The following ASIC2 variants were observed in gnomAD, a reference collection of about 807,000 sequenced individuals.
The protein encoded by ASIC2 is acid-sensing ion channel 2.
Under a neutral mutation model 57.3 loss-of-function variants are expected in ASIC2, and 25 were observed. The ratio of observed to expected loss-of-function variants is 0.44; its 90% confidence interval spans 0.32 to 0.61. ASIC2 has a LOEUF of 0.61. Among genes scored for constraint, ASIC2 ranks in the 20% least tolerant of loss-of-function variants. ASIC2 has a pLI of 0.06. For missense variants in ASIC2, 641 were observed against 738.1 expected, an observed-to-expected ratio of 0.87 and a Z score of 1.52; for synonymous variants, 319 against 307.5, an observed-to-expected ratio of 1.04 and a Z score of -0.39.
At chr17:33,113,197 G>A (rs1480576652) in intron 1 of ASIC2, among the ~76,000 whole-genome samples, 1 of 152,188 alleles carries the variant, frequency 6.6e-6, no homozygotes, top group Non-Finnish European at 1.5e-5. Context: ...CCACTTCTTA[G>A]TAGTGTGACT....
At chr17:33,269,302 C>T (rs1476909048) in intron 1 of ASIC2, among the ~76,000 whole-genome samples, 1 of 152,198 alleles carries the variant, frequency 6.6e-6, no homozygotes, top group African/African-American at 2.4e-5. Flanking sequence ...GACCCCCCGA[C>T]CTAGAACCCC....
chr17:33,391,000 G>A (rs892379253), intron 1 of ASIC2, among the ~76,000 whole-genome samples: 1 of 152,202 alleles, frequency 6.6e-6, no homozygotes, highest in Admixed American at 6.5e-5. Context: ...CTCCAGGATG[G>A]AGCAGCTGGC....
chr17:33,336,586 C>T (rs1164521988), intron 1 of ASIC2, among the ~76,000 whole-genome samples: 1 of 152,162 alleles, frequency 6.6e-6, no homozygotes, highest in African/African-American at 2.4e-5. Context: ...CTCACGACAG[C>T]TGTGTGGGGA....
At chr17:34,099,150 GAGAGAGAGAGAGAGAAAGAA>G (rs1567820866) in intron 1 of ASIC2, among the ~76,000 whole-genome samples, 100 of 23,204 alleles carry the variant, frequency 4.3e-3, no homozygotes, top group African/African-American at 0.012. Flanking sequence ...GAGAGACAGA[GAGAGAGAGAGAGAGAAAGAA>G]AGAAAGAAAG....
intron 1 of ASIC2, among the ~76,000 whole-genome samples, chr17:33,499,809 T>C (rs1430564343): frequency 6.6e-6 from 1 of 152,216 alleles, no homozygotes; most frequent in Non-Finnish European, 1.5e-5. Context: ...GCTGCCACCA[T>C]AAGGGCAAGC....
intron 1 of ASIC2, among the ~76,000 whole-genome samples, chr17:33,562,082 G>T (rs1916090145): frequency 6.6e-6 from 1 of 152,168 alleles, no homozygotes. Context: ...GGCAGTTGTT[G>T]TTCTCAGGAC....
intron 1 of ASIC2, among the ~76,000 whole-genome samples, chr17:33,730,051 G>A (rs1212335084): frequency 1.3e-5 from 2 of 152,086 alleles, no homozygotes; most frequent in Non-Finnish European, 2.9e-5. Context: ...AGGGACATTC[G>A]GTGCTTTCGG....
chr17:33,496,608 T>G (rs1264051090), intron 1 of ASIC2, among the ~76,000 whole-genome samples: 1 of 74,720 alleles, frequency 1.3e-5, no homozygotes, highest in Non-Finnish European at 2.9e-5. Context: ...TGTAGGTTTT[T>G]TTTTTTTTTT....
intron 1 of ASIC2, among the ~76,000 whole-genome samples, chr17:34,060,400 C>G (rs1908928497): frequency 6.6e-6 from 1 of 152,162 alleles, no homozygotes; most frequent in African/African-American, 2.4e-5. Flanking sequence ...GAGAGGGAAT[C>G]AGAAAATCAA....
At chr17:33,444,103 T>G (rs1427715483) in intron 1 of ASIC2, among the ~76,000 whole-genome samples, 1 of 152,168 alleles carries the variant, frequency 6.6e-6, no homozygotes, top group Non-Finnish European at 1.5e-5. Context: ...TATTCTCAAT[T>G]TGTTGTTTGC....
At chr17:33,484,424 AT>A (rs1035207358) in intron 1 of ASIC2, among the ~76,000 whole-genome samples, 4 of 152,256 alleles carry the variant, frequency 2.6e-5, no homozygotes, top group African/African-American at 9.6e-5. Flanking sequence ...CAGTATAAAT[AT>A]GACATAAACT....
intron 6 of ASIC2, among the ~76,000 whole-genome samples, chr17:33,022,060 A>C (rs1444795116): frequency 6.6e-6 from 1 of 152,202 alleles, no homozygotes; most frequent in East Asian, 1.9e-4. Flanking sequence ...AAGCTGGCCC[A>C]GGATGGGGTC....
rs538866027 is a variant in ASIC2, at chr17:33,073,997, T to A, written c.987+14866A>T. Among the ~76,000 whole-genome samples, 91 of 152,206 alleles carry A rather than the reference T, an allele frequency of 6.0e-4. 1 individual carries two copies. Among genetic ancestry groups the A allele is most frequent in the African/African-American group, 2.1e-3 (86 of 41,534 alleles). The stretch of plus-strand genomic sequence containing the variant: ...AGAATAGCTCCTTAGCTCTCAGTCT[T>A]AGTACCAGCAGGTGTGTGTGTTTGC... On this transcript the variant is annotated intron_variant, in intron 3 of 9. Transcript: ENST00000225823.
At chr17:34,033,565 T>C (rs942711023) in intron 1 of ASIC2, among the ~76,000 whole-genome samples, 6 of 152,136 alleles carry the variant, frequency 3.9e-5, no homozygotes, top group Non-Finnish European at 8.8e-5. Context: ...AAAAAATTAA[T>C]GAATCCGGGA....
chr17:33,853,213 T>C (rs1913822608), intron 1 of ASIC2, among the ~76,000 whole-genome samples: 1 of 152,168 alleles, frequency 6.6e-6, no homozygotes, highest in African/African-American at 2.4e-5. Context: ...CCCTGGAGTG[T>C]ATTTACATCC....
intron 1 of ASIC2, among the ~76,000 whole-genome samples, chr17:33,527,735 G>T (rs1914926865): frequency 6.6e-6 from 1 of 152,082 alleles, no homozygotes; most frequent in African/African-American, 2.4e-5. Context: ...TGCCTAAAAT[G>T]AAGTACATCT....
At chr17:33,640,058 C>T (rs1208669792) in intron 1 of ASIC2, among the ~76,000 whole-genome samples, 2 of 152,136 alleles carry the variant, frequency 1.3e-5, no homozygotes, top group South Asian at 2.1e-4. Flanking sequence ...GATTTCTGAT[C>T]GCTGTGTCGG....
chr17:33,086,976 A>C (rs1420647364), intron 3 of ASIC2, among the ~76,000 whole-genome samples: 1 of 152,044 alleles, frequency 6.6e-6, no homozygotes, highest in Non-Finnish European at 1.5e-5. Flanking sequence ...TGAAACACCC[A>C]GGCCCTCTCT....
At chr17:34,120,580 A>G (rs1302790735) in intron 1 of ASIC2, among the ~76,000 whole-genome samples, 1 of 151,570 alleles carries the variant, frequency 6.6e-6, no homozygotes, top group Non-Finnish European at 1.5e-5. Flanking sequence ...TATCTTCCCA[A>G]AAGATATGTT....
Sources: allele counts gnomAD v4.1 joint callset (sites outside exome capture counted in the v4.1 genomes callset), GRCh38; gene constraint gnomAD v4.1.1; transcripts MANE v1.5; gene names NCBI Gene and HGNC (gene_info 2026-07-23, HGNC 2026-07-21).